BANK1: variants seen among roughly 807,000 people sequenced by gnomAD.
BANK1 encodes B-cell scaffold protein with ankyrin repeats.
A neutral mutation model predicts 94.5 loss-of-function variants in BANK1; 95 were observed. That is an observed-to-expected ratio of 1.00 (90% CI 0.85 to 1.19). The LOEUF is 1.19. BANK1 is among the 50% of genes most tolerant of loss of function. BANK1 has a pLI of 0.00. For synonymous variants in BANK1, 334 were observed against 308.4 expected, an observed-to-expected ratio of 1.08 and a Z score of -0.87; for missense variants, 987 against 932.2, an observed-to-expected ratio of 1.06 and a Z score of -0.77.
Position 101,855,053 on chromosome 4 carries a change from A to C in BANK1, c.488A>C (p.Glu163Ala). 6.2e-7 allele frequency: 1 copy of C among 1,611,654 alleles called. No homozygotes were observed. Among genetic ancestry groups the C allele is most frequent in the Non-Finnish European group, 8.5e-7 (1 of 1,178,164 alleles). ...TCTCTAGATTCTGAAGACTACTTTG[A>C]GGTCAACATTCCAACAGACCTACGA... ...IIFKDSEDYF[E>A]VNIPTDLRAK... Residue 163 changes from glutamate to alanine, a missense_variant, in exon 3 of 17, where the codon GAG becomes GCG. By Grantham distance (107) the Glu-to-Ala change is moderately radical. Coordinates refer to ENST00000322953, the MANE Select transcript of BANK1 (RefSeq NM_017935.5).
At chr4:102,003,814 C>T (rs1201264946) in intron 7 of BANK1, among the ~76,000 whole-genome samples, 1 of 150,954 alleles carries the variant, frequency 6.6e-6, no homozygotes, top group East Asian at 1.9e-4. Context: ...ATTTCACATG[C>T]ATATATATAT....
intron 13 of BANK1, among the ~76,000 whole-genome samples, chr4:102,070,024 A>G (rs933383450): frequency 2.6e-5 from 4 of 152,174 alleles, no homozygotes; most frequent in South Asian, 4.1e-4. Flanking sequence ...GCAAATCCAT[A>G]CAGGCCTGCA....
rs77241010 is a variant in BANK1 at position 101,812,313 on chromosome 4, G to A, written c.71-17495G>A. On this transcript the variant is annotated intron_variant, in intron 1 of 16. Coordinates refer to ENST00000322953, the MANE Select transcript of BANK1 (RefSeq NM_017935.5). ...TTTCAACTTTGATTACAATTATAAA[G>A]TACATTAACATAAAGGAATATCTTC... Among the ~76,000 whole-genome samples, 89 of 151,802 alleles carry A rather than the reference G, an allele frequency of 5.9e-4. 1 individual carries two copies. In the East Asian group the frequency reaches 0.017, roughly 29 times the overall value.
intron 1 of BANK1, among the ~76,000 whole-genome samples, chr4:101,796,043 C>G (rs578133674): frequency 6.9e-4 from 105 of 152,226 alleles, no homozygotes; most frequent in Non-Finnish European, 7.5e-4. Flanking sequence ...AATAAAGATT[C>G]TTATCAGTAG....
chr4:102,043,227 T>G (rs1351497374), intron 10 of BANK1, among the ~76,000 whole-genome samples: 1 of 151,986 alleles, frequency 6.6e-6, no homozygotes, highest in East Asian at 1.9e-4. Flanking sequence ...ACTTTATCTT[T>G]CATCTGCAAA....
At chr4:101,797,621 A>C (rs1725202498) in intron 1 of BANK1, among the ~76,000 whole-genome samples, 1 of 152,166 alleles carries the variant, frequency 6.6e-6, no homozygotes, top group African/African-American at 2.4e-5. Context: ...GGGGACAAAA[A>C]TGTGAAGAAT....
Position 101,965,914 on chromosome 4 carries a change from G to A in BANK1, c.1206+47725G>A, listed in dbSNP as rs558526082. Among the ~76,000 whole-genome samples, 4 of 152,126 alleles carry A rather than the reference G, an allele frequency of 2.6e-5. No individual in the cohort carries two copies. In the South Asian group the frequency reaches 8.3e-4, roughly 32 times the overall value. On this transcript the variant is annotated intron_variant, in intron 7 of 16. Transcript: ENST00000322953. ...TAATTCATAGCCTTATGATATTCAGGAAGCTTTGATAATCCTCTTGTCCCC... is the reference window on the plus strand; with the variant it reads ...TAATTCATAGCCTTATGATATTCAGAAAGCTTTGATAATCCTCTTGTCCCC...
At chr4:101,860,178 G>A (rs1727814731) in intron 3 of BANK1, among the ~76,000 whole-genome samples, 1 of 152,172 alleles carries the variant, frequency 6.6e-6, no homozygotes. Context: ...AGTTTACGGT[G>A]CAAAATGAAA....
At chr4:101,798,857 A>G (rs1175271272) in intron 1 of BANK1, among the ~76,000 whole-genome samples, 1 of 152,214 alleles carries the variant, frequency 6.6e-6, no homozygotes, top group Non-Finnish European at 1.5e-5. Context: ...GATTCTGGAT[A>G]TTAGCCCTTT....
chr4:101,792,255 T>TCCCCCCCCCCCCCCC (rs771698917), intron 1 of BANK1, among the ~76,000 whole-genome samples: 6 of 128,660 alleles, frequency 4.7e-5, no homozygotes, highest in Admixed American at 8.1e-5. Context: ...TGCATTCCGC[T>TCCCCCCCCCCCCCCC]CCCCCCCCGC....
At chr4:101,972,494 C>T (rs1724990078) in intron 7 of BANK1, 1 of 152,070 alleles carries the variant, frequency 6.6e-6, no homozygotes, top group African/African-American at 2.4e-5. Flanking sequence ...CTTAATTACA[C>T]TCATTGCCAC....
intron 6 of BANK1, among the ~76,000 whole-genome samples, chr4:101,912,496 T>C (rs1306810035): frequency 6.6e-6 from 1 of 151,552 alleles, no homozygotes; most frequent in Non-Finnish European, 1.5e-5. Flanking sequence ...TGTGTGTGTA[T>C]ATGTGTGTTG....
At chr4:101,939,005 C>T (rs909764908) in intron 7 of BANK1, among the ~76,000 whole-genome samples, 1 of 151,670 alleles carries the variant, frequency 6.6e-6, no homozygotes, top group African/African-American at 2.4e-5. Context: ...CTACCTGAGA[C>T]GCAGCATTTC....
intron 11 of BANK1, among the ~76,000 whole-genome samples, chr4:102,052,209 C>T (rs1728076799): frequency 6.6e-6 from 1 of 151,344 alleles, no homozygotes; most frequent in African/African-American, 2.4e-5. Context: ...CCTCCGCCTC[C>T]CGTGTTCATC....
chr4:101,925,536 T>C (rs1039508420), intron 7 of BANK1, among the ~76,000 whole-genome samples: 2 of 151,782 alleles, frequency 1.3e-5, no homozygotes, highest in Non-Finnish European at 2.9e-5. Context: ...ACAGTTCTTT[T>C]CCAATAGAGA....
chr4:101,854,922 A>G (rs1727622963), intron 2 of BANK1, 113 bp from the exon 3 acceptor site: 2 of 729,032 alleles, frequency 2.7e-6, no homozygotes, highest in Non-Finnish European at 4.5e-6. Context: ...TCTTAAACTC[A>G]GTTCGGTTTC....
chr4:102,031,719 G>A (rs913293273), intron 10 of BANK1, among the ~76,000 whole-genome samples: 15 of 151,984 alleles, frequency 9.9e-5, no homozygotes, highest in Admixed American at 9.2e-4. Flanking sequence ...TAAATAATAT[G>A]CAACACAAGA....
At chr4:101,850,307 T>C (rs1401474917) in intron 2 of BANK1, among the ~76,000 whole-genome samples, 3 of 152,182 alleles carry the variant, frequency 2.0e-5, no homozygotes, top group Non-Finnish European at 4.4e-5. Context: ...AGTCTTGCTT[T>C]GTCACCCAGG....
rs1393514832 is a variant in BANK1, at chr4:102,074,804, T to C, written c.*805T>C. On this transcript the variant is annotated 3_prime_UTR_variant, in exon 17 of 17. Coordinates refer to ENST00000322953, the MANE Select transcript of BANK1 (RefSeq NM_017935.5). ...TAAAATTGCTTCTCGGCCTTTTGGC[T>C]AAGATCAAGTGGAGTATTGGCCAAT... The C allele has an allele frequency of 6.6e-6, 1 of 152,056 alleles. No homozygotes were observed. Among genetic ancestry groups the C allele is most frequent in the Admixed American group, 6.6e-5 (1 of 15,262 alleles). 9.4% of individuals were successfully genotyped at this position (152,056 alleles called of 1,614,324 possible). A position where few individuals can be genotyped will look rare whatever the true frequency, so the allele number is the denominator to read the frequency against.
Sources: allele counts gnomAD v4.1 joint callset (sites outside exome capture counted in the v4.1 genomes callset), GRCh38; gene constraint gnomAD v4.1.1; transcripts MANE v1.5; gene names NCBI Gene and HGNC (gene_info 2026-07-23, HGNC 2026-07-21).